SCFD2: variants seen among roughly 807,000 people sequenced by gnomAD.
SCFD2 encodes sec1 family domain containing 2.
In SCFD2, 54 loss-of-function variants were observed where a neutral mutation model predicts 58.9. The observed-to-expected ratio is 0.92, with a 90% CI of 0.74 to 1.15. The LOEUF (loss-of-function observed/expected upper bound fraction) is 1.15. SCFD2 is among the 50% of genes most tolerant of loss of function. The probability of loss-of-function intolerance (pLI) is 0.00; values close to 1 mark genes in which losing one functional copy is unlikely to be tolerated. For synonymous variants in SCFD2, 321 were observed against 335.9 expected, an observed-to-expected ratio of 0.96 and a Z score of 0.49; for missense variants, 805 against 836.6, an observed-to-expected ratio of 0.96 and a Z score of 0.47.
intron 5 of SCFD2, among the ~76,000 whole-genome samples, chr4:53,063,641 T>C (rs1293621867): frequency 6.6e-6 from 1 of 152,140 alleles, no homozygotes; most frequent in South Asian, 2.1e-4. Flanking sequence ...TGTCTGACTC[T>C]AGGACAATAG....
intron 5 of SCFD2, among the ~76,000 whole-genome samples, chr4:53,050,079 T>A (rs1723148108): frequency 6.6e-6 from 1 of 152,212 alleles, no homozygotes; most frequent in African/African-American, 2.4e-5. Context: ...GAATGTCACA[T>A]GCAAAGGTAG....
chr4:53,132,034 G>A (rs1725799810), intron 5 of SCFD2, among the ~76,000 whole-genome samples: 1 of 152,182 alleles, frequency 6.6e-6, no homozygotes, highest in Non-Finnish European at 1.5e-5. Flanking sequence ...ATTCATTCCA[G>A]TGTCTCAGAT....
At chr4:53,123,225 A>G (rs2148893715) in intron 5 of SCFD2, among the ~76,000 whole-genome samples, 1 of 152,300 alleles carries the variant, frequency 6.6e-6, no homozygotes, top group African/African-American at 2.4e-5. Flanking sequence ...ATAGCTAGAC[A>G]CGAATTATTT....
In SCFD2 at chr4:52,947,968, CAAAAAAA is replaced by C. The variant is rs34494471; in HGVS notation, c.1562-27105_1562-27099del. On this transcript the variant is annotated intron_variant, in intron 5 of 8. Transcript: ENST00000401642. ...CAAACAACCAAGTAGAAAAATAGGC[CAAAAAAA>C]AAAAAAAAAAAAAAGCAGGCAAATC... Among the ~76,000 whole-genome samples the C allele has an allele frequency of 8.2e-4, 29 of 35,214 alleles. 1 individual carries two copies. The highest frequency in any genetic ancestry group is 6.4e-3 in the Admixed American group (22 of 3,426). 23.1% of individuals were successfully genotyped at this position (35,214 alleles called of 152,430 possible). A position where few individuals can be genotyped will look rare whatever the true frequency, so the allele number is the denominator to read the frequency against.
intron 4 of SCFD2, among the ~76,000 whole-genome samples, chr4:53,213,831 G>A (rs552265675): frequency 6.6e-6 from 1 of 152,054 alleles, no homozygotes; most frequent in African/African-American, 2.4e-5. Flanking sequence ...ACAGGCCCTG[G>A]TGTGTGATGT....
At chr4:53,282,310 G>A (rs923964913) in intron 3 of SCFD2, among the ~76,000 whole-genome samples, 1 of 151,930 alleles carries the variant, frequency 6.6e-6, no homozygotes. Context: ...GATTGCTTCT[G>A]TATGTTTGTC....
intron 6 of SCFD2, among the ~76,000 whole-genome samples, chr4:52,912,646 TA>T (rs879570445): frequency 5.9e-5 from 9 of 152,094 alleles, no homozygotes; most frequent in Admixed American, 4.6e-4. Flanking sequence ...GCCTTCTTAA[TA>T]AAAAAAATTT....
intron 5 of SCFD2, among the ~76,000 whole-genome samples, chr4:53,144,977 G>A (rs1201855167): frequency 6.6e-6 from 1 of 152,198 alleles, no homozygotes; most frequent in Non-Finnish European, 1.5e-5. Context: ...TCCGCCTTCT[G>A]TCAGATCAGC....
At chr4:53,269,344 T>C (rs1041560926) in intron 4 of SCFD2, among the ~76,000 whole-genome samples, 28 of 151,882 alleles carry the variant, frequency 1.8e-4, no homozygotes, top group African/African-American at 6.8e-4. Flanking sequence ...AAAAAAGAAC[T>C]ATGAAAGTAA....
intron 5 of SCFD2, among the ~76,000 whole-genome samples, chr4:52,973,070 G>T (rs1721150086): frequency 6.6e-6 from 1 of 152,202 alleles, no homozygotes; most frequent in South Asian, 2.1e-4. Flanking sequence ...AAACAGGAAA[G>T]ATCTAAAATT....
At chr4:53,075,649 A>G (rs548154566) in intron 5 of SCFD2, among the ~76,000 whole-genome samples, 1 of 152,270 alleles carries the variant, frequency 6.6e-6, no homozygotes, top group Admixed American at 6.5e-5. Context: ...ATGGAAGAGG[A>G]AAGTCTAAGG....
chr4:52,916,044 T>A (rs574462441), intron 6 of SCFD2, among the ~76,000 whole-genome samples: 3 of 152,090 alleles, frequency 2.0e-5, no homozygotes, highest in African/African-American at 7.2e-5. Context: ...CTGTGGAAGG[T>A]TTTTTGCAGC....
At chr4:53,242,660 G>C (rs753002690) in intron 4 of SCFD2, among the ~76,000 whole-genome samples, 1 of 152,148 alleles carries the variant, frequency 6.6e-6, no homozygotes, top group Non-Finnish European at 1.5e-5. Flanking sequence ...ATATAATTCA[G>C]AATATGAATA....
At chr4:53,134,241 G>A (rs537087710) in intron 5 of SCFD2, among the ~76,000 whole-genome samples, 1 of 152,244 alleles carries the variant, frequency 6.6e-6, no homozygotes, top group African/African-American at 2.4e-5. Flanking sequence ...AGGTGAAAGA[G>A]TAGAACTTAT....
intron 2 of SCFD2, among the ~76,000 whole-genome samples, chr4:53,338,826 C>T (rs541658830): frequency 3.4e-4 from 51 of 151,722 alleles, no homozygotes; most frequent in Non-Finnish European, 5.0e-4. Context: ...GTGATCCGCC[C>T]GCCTCGGCCT....
chr4:52,996,732 T>A (rs1163944687), intron 5 of SCFD2, among the ~76,000 whole-genome samples: 1 of 152,334 alleles, frequency 6.6e-6, no homozygotes, highest in Non-Finnish European at 1.5e-5. Flanking sequence ...CAATGCAGAT[T>A]GTGGCTCTTG....
In SCFD2 at chr4:53,035,958, A is replaced by C. The variant is rs999660777; in HGVS notation, c.1561+109375T>G. On this transcript the variant is annotated intron_variant, in intron 5 of 8. Transcript: ENST00000401642. ...CTAGACCTAGAAATACCATTGACCC[A>C]GCAATCCCATTACTAGGTATATACC... Among the ~76,000 whole-genome samples the C allele has an allele frequency of 2.6e-5, 4 of 152,222 alleles. No homozygotes were observed. In the East Asian group the frequency reaches 7.7e-4, roughly 29 times the overall value.
At chr4:53,163,212 G>A (rs1726906884) in intron 4 of SCFD2, among the ~76,000 whole-genome samples, 1 of 152,218 alleles carries the variant, frequency 6.6e-6, no homozygotes, top group East Asian at 1.9e-4. Context: ...TGCTCCAACG[G>A]AGAAGTCTGG....
rs774893206 is a variant in SCFD2 at position 52,907,579 on chromosome 4, G to GCTTATAAGCCAT, written c.1719_1720insATGGCTTATAAG (p.Lys573_Pro574insMetAlaTyrLys). On this transcript the variant is annotated inframe_insertion, in exon 7 of 9. Coordinates refer to ENST00000401642, the MANE Select transcript of SCFD2 (RefSeq NM_152540.4). ...TCCTCCACAACTTGCTTCAACAATG[G>GCTTATAAGCCAT]CTTATAAGATGCCTGGAAAGACAAA... 5.6e-6 allele frequency: 9 copies of GCTTATAAGCCAT among 1,613,992 alleles called. No homozygotes were observed. The highest frequency in any genetic ancestry group is 7.6e-6 in the Non-Finnish European group (9 of 1,179,932).
Sources: gnomAD v4.1 joint callset for allele counts (sites outside exome capture counted in the v4.1 genomes callset) on GRCh38, gnomAD v4.1.1 for gene constraint, MANE v1.5 for transcripts, NCBI Gene and HGNC (gene_info 2026-07-23, HGNC 2026-07-21) for gene names.